LMO3: variants seen among roughly 807,000 people sequenced by gnomAD.
LMO3 encodes the protein LIM domain only protein 3.
LMO3 carries 2 observed loss-of-function variants against 15.8 expected under a neutral mutation model. That is an observed-to-expected ratio of 0.13 (90% CI 0.05 to 0.40). LMO3 has a LOEUF of 0.40. Ranked by LOEUF, LMO3 falls within the 10% of genes least tolerant of loss-of-function variation. The probability of loss-of-function intolerance (pLI) is 0.99; values close to 1 mark genes in which losing one functional copy is unlikely to be tolerated. For synonymous variants in LMO3, 62 were observed against 63.8 expected (o/e 0.97, Z 0.13); for missense variants, 86 against 182.2 (o/e 0.47, Z 3.04).
At chr12:16,600,453 T>G in intron 2 of LMO3, 1 of 578,430 alleles carries the variant, frequency 1.7e-6, no homozygotes, top group Non-Finnish European at 3.1e-6. Flanking sequence ...ATTGAAATAC[T>G]TTAAATATTG....
Position 16,559,340 on chromosome 12 carries a change from A to G in LMO3, c.332+1073T>C, listed in dbSNP as rs945721688. Among the ~76,000 whole-genome samples the G allele has an allele frequency of 1.3e-5, 2 of 152,230 alleles. No homozygotes were observed. Among genetic ancestry groups the G allele is most frequent in the Admixed American group, 1.3e-4 (2 of 15,282 alleles). On this transcript the variant is annotated intron_variant, in intron 3 of 3. Coordinates refer to ENST00000537304, the MANE Select transcript of LMO3 (RefSeq NM_018640.5). This position sits in a 1 kb window ranked among gnomAD's most constrained non-coding sequence, Gnocchi z 4.1. ...GAAATAAAAAATATAACTTTCAATA[A>G]GAAAAAATGGAATTAAGTGATAATA...
rs1427962011 is a variant in LMO3, at chr12:16,559,965, A to C, written c.332+448T>G. Among the ~76,000 whole-genome samples the C allele has an allele frequency of 1.3e-5, 2 of 152,130 alleles. No homozygotes were observed. The highest frequency in any genetic ancestry group is 2.9e-5 in the Non-Finnish European group (2 of 68,022). On this transcript the variant is annotated intron_variant, in intron 3 of 3. Transcript: ENST00000537304. This position sits in a 1 kb window ranked among gnomAD's most constrained non-coding sequence, Gnocchi z 4.1. ...ACAGAACCAGACCTTGTATTTAAAA[A>C]AGCAAAAACAAAAACATGAGGGATA...
chr12:16,559,733 T>C lies in LMO3; in HGVS notation c.332+680A>G, dbSNP rs949600617. 5.9e-5 allele frequency among the ~76,000 whole-genome samples: 9 copies of C among 151,832 alleles called. No homozygotes were observed. Among genetic ancestry groups the C allele is most frequent in the Non-Finnish European group, 1.2e-4 (8 of 67,964 alleles). Reference sequence around the variant, plus strand: ...TGGGAGGTGGAGGTGGGAGGATTGCTTGAGGCCAGGAGTTTGAGACCAGCC... The same window carrying C: ...TGGGAGGTGGAGGTGGGAGGATTGCCTGAGGCCAGGAGTTTGAGACCAGCC... On this transcript the variant is annotated intron_variant, in intron 3 of 3. Coordinates refer to ENST00000537304, the MANE Select transcript of LMO3 (RefSeq NM_018640.5). This position sits in a 1 kb window ranked among gnomAD's most constrained non-coding sequence, Gnocchi z 4.1.
In LMO3 at chr12:16,593,954, G is replaced by C. The variant is rs1007129433; in HGVS notation, c.206+6701C>G. Among the ~76,000 whole-genome samples the C allele has an allele frequency of 6.6e-6, 1 of 151,698 alleles. No individual in the cohort carries two copies. Among genetic ancestry groups the C allele is most frequent in the African/African-American group, 2.4e-5 (1 of 41,390 alleles). On this transcript the variant is annotated intron_variant, in intron 2 of 3. Transcript: ENST00000537304. This position sits in a 1 kb window ranked among gnomAD's most constrained non-coding sequence, Gnocchi z 4.2. ...CAGTATCAAACTCCCTCGGAGCTAA[G>C]AAAAACAGAATTAGATATTTAAAAT...
chr12:16,604,809 G>GCGGC lies in LMO3; in HGVS notation c.-9+1253_-9+1256dup. ...AGCGGAAAAGCAGAAAGGCTTTTGAGCGGCCAGGAGTGCAGAGCGCCAGCA... is the reference window on the plus strand; with the variant it reads ...AGCGGAAAAGCAGAAAGGCTTTTGAGCGGCCGGCCAGGAGTGCAGAGCGCCAGCA... On this transcript the variant is annotated intron_variant, in intron 1 of 3. Coordinates refer to ENST00000537304, the MANE Select transcript of LMO3 (RefSeq NM_018640.5). This position sits in a 1 kb window ranked among gnomAD's most constrained non-coding sequence, Gnocchi z 5.3. 6.4e-7 allele frequency: 1 copy of GCGGC among 1,570,060 alleles called. No homozygotes were observed. Among genetic ancestry groups the GCGGC allele is most frequent in the Non-Finnish European group, 8.7e-7 (1 of 1,155,892 alleles).
At chr12:16,568,625 A>G (rs1488172023) in intron 2 of LMO3, among the ~76,000 whole-genome samples, 2 of 152,240 alleles carry the variant, frequency 1.3e-5, no homozygotes, top group Non-Finnish European at 2.9e-5. Context: ...ATAATTTTTG[A>G]AAATATTGAT....
rs531212525 is a variant in LMO3 at position 16,565,786 on chromosome 12, G to T, written c.207-5248C>A. Among the ~76,000 whole-genome samples the T allele has an allele frequency of 3.2e-4, 48 of 151,132 alleles. 1 individual carries two copies. In the South Asian group the frequency reaches 9.2e-3, roughly 29 times the overall value. On this transcript the variant is annotated intron_variant, in intron 2 of 3. Coordinates refer to ENST00000537304, the MANE Select transcript of LMO3 (RefSeq NM_018640.5). ...AGCCATTACAGAAAACAGTATGGAGGTTCCTCAAAAAAATTAAAAACAGAA... is the reference window on the plus strand; with the variant it reads ...AGCCATTACAGAAAACAGTATGGAGTTTCCTCAAAAAAATTAAAAACAGAA...
chr12:16,558,926 G>A (rs1942291192), intron 3 of LMO3, among the ~76,000 whole-genome samples: 1 of 152,078 alleles, frequency 6.6e-6, no homozygotes, highest in Admixed American at 6.5e-5. Context: ...TTATGGGTGT[G>A]GGAATCAAAT....
chr12:16,573,361 T>C (rs1942885238), intron 2 of LMO3: 2 of 152,222 alleles, frequency 1.3e-5, no homozygotes, highest in Admixed American at 1.3e-4. Context: ...ACTGGAATCA[T>C]TTGACAGCTG....
At chr12:16,570,964 C>G (rs868569255) in intron 2 of LMO3, among the ~76,000 whole-genome samples, 2 of 152,186 alleles carry the variant, frequency 1.3e-5, no homozygotes, top group Middle Eastern at 6.8e-3. Context: ...CTATTATCAG[C>G]ATGGCACATG....
intron 2 of LMO3, among the ~76,000 whole-genome samples, chr12:16,567,193 C>A (rs1041553663): frequency 1.4e-5 from 2 of 142,020 alleles, no homozygotes; most frequent in African/African-American, 2.8e-5. Context: ...TGAAACTCCA[C>A]CTCAAAACAA....
At position 16,579,786 on chromosome 12, in the gene LMO3, G is replaced by A. The variant is rs527351704; in HGVS notation, c.207-19248C>T. Reference sequence around the variant, plus strand: ...ATAGATTCAGTGGCCGAGTGAATGCGATACTTTACAGAAAAATACCAGCTT... The same window carrying A: ...ATAGATTCAGTGGCCGAGTGAATGCAATACTTTACAGAAAAATACCAGCTT... On this transcript the variant is annotated intron_variant, in intron 2 of 3. Coordinates refer to ENST00000537304, the MANE Select transcript of LMO3 (RefSeq NM_018640.5). 6.6e-5 allele frequency among the ~76,000 whole-genome samples: 10 copies of A among 152,294 alleles called. No homozygotes were observed. The East Asian group carries it at 9.6e-4, about 15-fold the overall frequency.
At chr12:16,592,563 A>G (rs1365820527) in intron 2 of LMO3, among the ~76,000 whole-genome samples, 2 of 151,978 alleles carry the variant, frequency 1.3e-5, no homozygotes, top group Non-Finnish European at 2.9e-5. Flanking sequence ...TGCTTTTTCC[A>G]TCCACTTCCC....
At chr12:16,588,548 C>T (rs143008455) in intron 2 of LMO3, among the ~76,000 whole-genome samples, 1 of 152,042 alleles carries the variant, frequency 6.6e-6, no homozygotes, top group Non-Finnish European at 1.5e-5. Flanking sequence ...AAAACTATCA[C>T]CTCAGTTACA....
intron 2 of LMO3, chr12:16,573,640 C>G (rs551940856): frequency 6.6e-6 from 1 of 152,172 alleles, no homozygotes; most frequent in African/African-American, 2.4e-5. Flanking sequence ...AAGGGTTATA[C>G]GTATTTAGGA....
At position 16,584,444 on chromosome 12, in the gene LMO3, A is replaced by G. The variant is rs1270040453; in HGVS notation, c.206+16211T>C. On this transcript the variant is annotated intron_variant, in intron 2 of 3. Coordinates refer to ENST00000537304, the MANE Select transcript of LMO3 (RefSeq NM_018640.5). This position sits in a 1 kb window ranked among gnomAD's most constrained non-coding sequence, Gnocchi z 5.2. ...CTGGCCAAAAGATTGTGGACACAGC[A>G]AAAGTTATTGACAAGGACATGAGGT... Among the ~76,000 whole-genome samples, 1 of 152,216 alleles carries G rather than the reference A, an allele frequency of 6.6e-6. No homozygotes were observed. The highest frequency in any genetic ancestry group is 1.9e-4 in the East Asian group (1 of 5,184).
At chr12:16,571,706 A>G (rs2137445208) in intron 2 of LMO3, among the ~76,000 whole-genome samples, 1 of 152,154 alleles carries the variant, frequency 6.6e-6, no homozygotes, top group Middle Eastern at 3.4e-3. Flanking sequence ...TCAAATATGC[A>G]GATTGAATTA....
At position 16,586,973 on chromosome 12, in the gene LMO3, G is replaced by A. The variant is rs975340708; in HGVS notation, c.206+13682C>T. ...ACACATGCTTTATCATCATTCAGTA[G>A]CAGTTTATTCATTAGAACATTCTGT... On this transcript the variant is annotated intron_variant, in intron 2 of 3. Transcript: ENST00000537304. The surrounding 1 kb of genome is among the most constrained non-coding windows in gnomAD (Gnocchi z 4.3). 6.6e-6 allele frequency among the ~76,000 whole-genome samples: 1 copy of A among 152,136 alleles called. No homozygotes were observed. The highest frequency in any genetic ancestry group is 1.5e-5 in the Non-Finnish European group (1 of 68,028).
At position 16,559,313 on chromosome 12, in the gene LMO3, C is replaced by T. The variant is rs898357276; in HGVS notation, c.332+1100G>A. On this transcript the variant is annotated intron_variant, in intron 3 of 3. Coordinates refer to ENST00000537304, the MANE Select transcript of LMO3 (RefSeq NM_018640.5). The surrounding 1 kb of genome is among the most constrained non-coding windows in gnomAD (Gnocchi z 4.1). ...AGGTGCCAGTAGTATATAGTTTTCACAGAAATAAAAAATATAACTTTCAAT... is the reference window on the plus strand; with the variant it reads ...AGGTGCCAGTAGTATATAGTTTTCATAGAAATAAAAAATATAACTTTCAAT... 1.3e-5 allele frequency among the ~76,000 whole-genome samples: 2 copies of T among 151,954 alleles called. No homozygotes were observed. The highest frequency in any genetic ancestry group is 2.4e-5 in the African/African-American group (1 of 41,376).
Sources: allele counts gnomAD v4.1 joint callset (sites outside exome capture counted in the v4.1 genomes callset), GRCh38; gene constraint gnomAD v4.1.1; non-coding constraint Gnocchi (gnomAD v3.1); transcripts MANE v1.5; gene names NCBI Gene and HGNC (gene_info 2026-07-23, HGNC 2026-07-21).